The following SHROOM4 variants were observed in gnomAD, a reference collection of about 807,000 sequenced individuals.
SHROOM4 encodes the protein shroom family member 4, also known as protein Shroom4.
Under a neutral mutation model 80.3 loss-of-function variants are expected in SHROOM4, and 17 were observed. The observed-to-expected ratio is 0.21, with a 90% CI of 0.14 to 0.32. The LOEUF (loss-of-function observed/expected upper bound fraction) is 0.32. Ranked by LOEUF, SHROOM4 falls within the 10% of genes least tolerant of loss-of-function variation. The probability of loss-of-function intolerance (pLI) is 1.00; values close to 1 mark genes in which losing one functional copy is unlikely to be tolerated. For synonymous variants in SHROOM4, 400 were observed against 437.5 expected, an observed-to-expected ratio of 0.91 and a Z score of 1.07; for missense variants, 993 against 1,140.3, an observed-to-expected ratio of 0.87 and a Z score of 1.86.
intron 1 of SHROOM4, among the ~76,000 whole-genome samples, chrX:50,750,528 C>T (rs1934892327): frequency 8.9e-6 from 1 of 112,344 alleles, no homozygotes; most frequent in African/African-American, 3.2e-5. Context: ...TCCCAAAGTG[C>T]TGGGATTACA....
At chrX:50,803,353 CAAT>C (rs1317452622) in intron 1 of SHROOM4, among the ~76,000 whole-genome samples, 1 of 112,160 alleles carries the variant, frequency 8.9e-6, no homozygotes, top group Non-Finnish European at 1.9e-5. Context: ...AACAGGCACT[CAAT>C]AAAATTTAAT....
intron 1 of SHROOM4, among the ~76,000 whole-genome samples, chrX:50,740,198 G>T (rs1557267108): frequency 1.1e-5 from 1 of 93,503 alleles, no homozygotes; most frequent in African/African-American, 4.0e-5. Context: ...CGGGGGAGAG[G>T]GGAGGGATAG....
chrX:50,684,218 G>C (rs1283874841), intron 2 of SHROOM4, among the ~76,000 whole-genome samples: 2 of 111,297 alleles, frequency 1.8e-5, no homozygotes, highest in Non-Finnish European at 3.8e-5. Flanking sequence ...CCAATGACTG[G>C]TGACCTTACA....
chrX:50,784,279 A>G (rs1320091529), intron 1 of SHROOM4, among the ~76,000 whole-genome samples: 1 of 111,721 alleles, frequency 9.0e-6, no homozygotes, highest in Non-Finnish European at 1.9e-5. Flanking sequence ...GACTACAGGT[A>G]GGCACTACTA....
intron 1 of SHROOM4, among the ~76,000 whole-genome samples, chrX:50,751,251 A>T (rs1489336936): frequency 8.9e-6 from 1 of 111,816 alleles, no homozygotes; most frequent in African/African-American, 3.3e-5. Flanking sequence ...GTCAACTGTG[A>T]AATTATTGCT....
At chrX:50,781,263 C>T (rs1241219645) in intron 1 of SHROOM4, among the ~76,000 whole-genome samples, 1 of 111,516 alleles carries the variant, frequency 9.0e-6, no homozygotes, top group Non-Finnish European at 1.9e-5. Context: ...TAATGTCTTA[C>T]CAGCTATCTG....
At chrX:50,627,337 C>A (rs1930842779) in intron 5 of SHROOM4, among the ~76,000 whole-genome samples, 1 of 111,549 alleles carries the variant, frequency 9.0e-6, no homozygotes, top group Non-Finnish European at 1.9e-5. Flanking sequence ...GAGAATAAAG[C>A]TATGACCAAG....
chrX:50,702,360 T>A (rs150697971), intron 1 of SHROOM4, among the ~76,000 whole-genome samples: 1,296 of 111,666 alleles, frequency 0.012, 8 homozygotes, highest in Non-Finnish European at 0.017. Context: ...GAGAAATAAG[T>A]GCACGTGTCC....
At chrX:50,638,067 T>G in intron 3 of SHROOM4, 107 bp downstream of exon 3, 2 of 1,000,569 alleles carry the variant, frequency 2.0e-6, no homozygotes, top group East Asian at 3.4e-5. Flanking sequence ...TGCTTTTCCA[T>G]TATAGTACTT....
intron 5 of SHROOM4, among the ~76,000 whole-genome samples, chrX:50,612,523 A>G (rs1225887299): frequency 1.8e-5 from 2 of 112,004 alleles, no homozygotes; most frequent in Non-Finnish European, 3.8e-5. Context: ...TAGAGAGAGA[A>G]GAAAAGATTC....
intron 1 of SHROOM4, among the ~76,000 whole-genome samples, chrX:50,805,484 G>A (rs1353419347): frequency 2.7e-5 from 3 of 111,792 alleles, no homozygotes; most frequent in African/African-American, 9.8e-5. Flanking sequence ...CCCACCTCCC[G>A]CATTCCTCAC....
chrX:50,619,400 G>A (rs1346067994), intron 5 of SHROOM4, among the ~76,000 whole-genome samples: 3 of 111,418 alleles, frequency 2.7e-5, no homozygotes, highest in African/African-American at 9.8e-5. Context: ...GGTTATTGCC[G>A]AAGGAAATAT....
chrX:50,673,333 A>G (rs1932817625), intron 2 of SHROOM4, among the ~76,000 whole-genome samples: 1 of 111,396 alleles, frequency 9.0e-6, no homozygotes, highest in Non-Finnish European at 1.9e-5. Flanking sequence ...TAAAATGACA[A>G]TATCAATAAA....
intron 2 of SHROOM4, among the ~76,000 whole-genome samples, chrX:50,662,763 A>G (rs1443439022): frequency 9.0e-6 from 1 of 111,632 alleles, no homozygotes; most frequent in Non-Finnish European, 1.9e-5. Flanking sequence ...CCATATAATA[A>G]TGGCTTAAAA....
At chrX:50,764,256 G>T (rs1296470978) in intron 1 of SHROOM4, among the ~76,000 whole-genome samples, 4 of 111,017 alleles carry the variant, frequency 3.6e-5, no homozygotes, top group African/African-American at 9.8e-5. Context: ...CCATCTTTTT[G>T]ATCTGTACCT....
chrX:50,643,035 T>C (rs1486834920), intron 2 of SHROOM4, among the ~76,000 whole-genome samples: 1 of 110,648 alleles, frequency 9.0e-6, no homozygotes, highest in Non-Finnish European at 1.9e-5. Context: ...ATTCCCTCCA[T>C]AGGCAGTGGG....
chrX:50,770,309 A>G (rs1056301530), intron 1 of SHROOM4, among the ~76,000 whole-genome samples: 7 of 112,359 alleles, frequency 6.2e-5, no homozygotes, highest in African/African-American at 9.7e-5. Context: ...AAAGGTATGT[A>G]CACAGGTTTG....
chrX:50,780,984 G>C (rs1285246932), intron 1 of SHROOM4, among the ~76,000 whole-genome samples: 5 of 111,689 alleles, frequency 4.5e-5, no homozygotes, highest in African/African-American at 1.6e-4. Flanking sequence ...CTGAGAACTA[G>C]GACAGCCAAA....
chrX:50,709,706 T>C lies in SHROOM4; in HGVS notation c.118-13769A>G, dbSNP rs1933763312. 4.4e-5 allele frequency among the ~76,000 whole-genome samples: 5 copies of C among 112,491 alleles called. No individual in the cohort carries two copies. The Admixed American group carries it at 4.7e-4, about 11-fold the overall frequency. On this transcript the variant is annotated intron_variant, in intron 1 of 8. Coordinates refer to ENST00000376020, the MANE Select transcript of SHROOM4 (RefSeq NM_020717.5). Reference sequence around the variant, plus strand: ...AGCTAAGGGGCATGCCTGTCCTCACTGAATCATAAATAATGCCATATTTAT... The same window carrying C: ...AGCTAAGGGGCATGCCTGTCCTCACCGAATCATAAATAATGCCATATTTAT...
Sources: allele counts gnomAD v4.1 joint callset (sites outside exome capture counted in the v4.1 genomes callset), GRCh38; gene constraint gnomAD v4.1.1; transcripts MANE v1.5; gene names NCBI Gene and HGNC (gene_info 2026-07-23, HGNC 2026-07-21).